Variants in LRRC1 observed in about 807,000 individuals in gnomAD.
LRRC1 encodes the protein leucine-rich repeat-containing protein 1.
Under a neutral mutation model 69.9 loss-of-function variants are expected in LRRC1, and 28 were observed. That is an observed-to-expected ratio of 0.40 (90% CI 0.30 to 0.55). The LOEUF is 0.55. Ranked by LOEUF, LRRC1 falls within the 20% of genes least tolerant of loss-of-function variation. The pLI is 0.47. For synonymous variants in LRRC1, 236 were observed against 240.2 expected (o/e 0.98, Z 0.16); for missense variants, 498 against 609.0 (o/e 0.82, Z 1.92).
At chr6:53,817,631 T>A (rs989704191) in intron 1 of LRRC1, among the ~76,000 whole-genome samples, 3 of 152,170 alleles carry the variant, frequency 2.0e-5, no homozygotes, top group Non-Finnish European at 4.4e-5. Context: ...GTTTCCCCAT[T>A]CTCCTTACCT....
At chr6:53,855,890 A>G (rs922838172) in intron 2 of LRRC1, among the ~76,000 whole-genome samples, 3 of 152,046 alleles carry the variant, frequency 2.0e-5, no homozygotes, top group African/African-American at 7.2e-5. Flanking sequence ...CTTGTCTCAA[A>G]CTACTCAGCC....
chr6:53,909,030 G>A (rs191936207), intron 10 of LRRC1, among the ~76,000 whole-genome samples: 72 of 152,238 alleles, frequency 4.7e-4, no homozygotes, highest in Non-Finnish European at 8.8e-4. Flanking sequence ...AGAAATGTGC[G>A]TACCCTTTGA....
chr6:53,861,437 A>C (rs1291627737), intron 2 of LRRC1, among the ~76,000 whole-genome samples: 1 of 150,746 alleles, frequency 6.6e-6, no homozygotes, highest in Non-Finnish European at 1.5e-5. Flanking sequence ...CTGAATCTCC[A>C]AGAGTGCTGG....
intron 4 of LRRC1, among the ~76,000 whole-genome samples, chr6:53,886,205 CAA>C (rs1033566506): frequency 6.6e-6 from 1 of 152,070 alleles, no homozygotes; most frequent in Non-Finnish European, 1.5e-5. Flanking sequence ...TCAAGTGAAA[CAA>C]AGTATTATGA....
chr6:53,807,390 G>A (rs1214598142), intron 1 of LRRC1, among the ~76,000 whole-genome samples: 2 of 152,200 alleles, frequency 1.3e-5, no homozygotes, highest in African/African-American at 2.4e-5. Flanking sequence ...TCCATTCTAG[G>A]TAAGGATGGA....
At chr6:53,920,306 T>TA (rs1476887319) in intron 12 of LRRC1, among the ~76,000 whole-genome samples, 1 of 152,200 alleles carries the variant, frequency 6.6e-6, no homozygotes, top group African/African-American at 2.4e-5. Context: ...ATAAGCATTT[T>TA]AAAAGGGACT....
At chr6:53,870,561 C>T (rs1397956882) in intron 2 of LRRC1, among the ~76,000 whole-genome samples, 2 of 152,126 alleles carry the variant, frequency 1.3e-5, no homozygotes, top group Non-Finnish European at 2.9e-5. Flanking sequence ...GTTTTTGATA[C>T]ATTTATACAG....
In LRRC1 at chr6:53,913,862, G is replaced by A. The variant is rs1768487500; in HGVS notation, c.999G>A (p.Gly333=). The stretch of plus-strand genomic sequence containing the variant: ...TTTCTTTCTCACCATAGATCGGCGG[G>A]TGCTGCAGCCTCACTGTGTTCTGTG... ...KLVSLPKEIG[G]CCSLTVFCVR... The change falls in exon 11 of 14, where the codon GGG becomes GGA. Residue 333 remains glycine (G), a synonymous_variant. Coordinates refer to ENST00000370888, the MANE Select transcript of LRRC1 (RefSeq NM_018214.5). The A allele has an allele frequency of 6.3e-7, 1 of 1,594,776 alleles. No homozygotes were observed. Among genetic ancestry groups the A allele is most frequent in the Middle Eastern group, 1.7e-4 (1 of 5,990 alleles).
At chr6:53,799,333 C>T (rs765476855) in intron 1 of LRRC1, among the ~76,000 whole-genome samples, 1 of 152,226 alleles carries the variant, frequency 6.6e-6, no homozygotes, top group Non-Finnish European at 1.5e-5. Flanking sequence ...CTAACTAAAA[C>T]ATAACCTCCA....
intron 4 of LRRC1, among the ~76,000 whole-genome samples, chr6:53,884,852 C>A (rs774151734): frequency 4.3e-4 from 66 of 152,124 alleles, no homozygotes; most frequent in South Asian, 8.3e-4. Flanking sequence ...TATATATTTT[C>A]TGTTAATATC....
At position 53,914,719 on chromosome 6, in the gene LRRC1, T is replaced by C. The variant is rs531349220; in HGVS notation, c.1106+750T>C. Among the ~76,000 whole-genome samples, 6 of 152,314 alleles carry C rather than the reference T, an allele frequency of 3.9e-5. No homozygotes were observed. The South Asian group carries it at 1.2e-3, about 32-fold the overall frequency. Reference sequence around the variant, plus strand: ...GAACAGAAACAGGCTATTCTTTCTTTTGGGGACCCTCTTCTCTGGCTCCTT... The same window carrying C: ...GAACAGAAACAGGCTATTCTTTCTTCTGGGGACCCTCTTCTCTGGCTCCTT... On this transcript the variant is annotated intron_variant, in intron 11 of 13. Transcript: ENST00000370888.
At chr6:53,889,170 C>T (rs1369083116) in intron 4 of LRRC1, among the ~76,000 whole-genome samples, 3 of 152,108 alleles carry the variant, frequency 2.0e-5, no homozygotes, top group Non-Finnish European at 4.4e-5. Flanking sequence ...ACTTTATACC[C>T]TCTAGGATGA....
At chr6:53,844,791 C>T (rs1306555671) in intron 2 of LRRC1, among the ~76,000 whole-genome samples, 1 of 152,186 alleles carries the variant, frequency 6.6e-6, no homozygotes, top group Non-Finnish European at 1.5e-5. Flanking sequence ...GTTAACCATT[C>T]CCTTCCCTTC....
At chr6:53,850,050 A>G (rs1403434527) in intron 2 of LRRC1, among the ~76,000 whole-genome samples, 1 of 133,134 alleles carries the variant, frequency 7.5e-6, no homozygotes, top group Non-Finnish European at 1.6e-5. Flanking sequence ...ACTGTAGCTC[A>G]TAATAAGATT....
At chr6:53,892,660 T>G (rs374219706) in intron 4 of LRRC1, among the ~76,000 whole-genome samples, 12 of 152,242 alleles carry the variant, frequency 7.9e-5, no homozygotes, top group East Asian at 5.8e-4. Flanking sequence ...AGGAGATTAT[T>G]CATTCATTCA....
At chr6:53,817,521 C>A (rs1764985459) in intron 1 of LRRC1, among the ~76,000 whole-genome samples, 1 of 152,118 alleles carries the variant, frequency 6.6e-6, no homozygotes, top group South Asian at 2.1e-4. Flanking sequence ...TGCTGTGCAA[C>A]TGACCTAAAA....
intron 2 of LRRC1, among the ~76,000 whole-genome samples, chr6:53,843,764 C>T (rs994785204): frequency 2.6e-5 from 4 of 152,116 alleles, no homozygotes; most frequent in Non-Finnish European, 5.9e-5. Flanking sequence ...AGTGTGTCCA[C>T]TTCTGTTTGT....
At chr6:53,859,703 A>G (rs1766434293) in intron 2 of LRRC1, among the ~76,000 whole-genome samples, 1 of 152,152 alleles carries the variant, frequency 6.6e-6, no homozygotes, top group Non-Finnish European at 1.5e-5. Context: ...GGGTAGGGAG[A>G]GTCTGGAAAT....
intron 1 of LRRC1, among the ~76,000 whole-genome samples, chr6:53,796,684 AT>A (rs1373966495): frequency 6.6e-6 from 1 of 152,128 alleles, no homozygotes; most frequent in Admixed American, 6.5e-5. Flanking sequence ...TGTGGAATTG[AT>A]TGGATGTTTG....
Sources: gnomAD v4.1 joint callset for allele counts (sites outside exome capture counted in the v4.1 genomes callset) on GRCh38, gnomAD v4.1.1 for gene constraint, MANE v1.5 for transcripts, NCBI Gene and HGNC (gene_info 2026-07-23, HGNC 2026-07-21) for gene names.